LUC7L3: variants seen among roughly 807,000 people sequenced by gnomAD.
LUC7L3 encodes the protein LUC7 like 3 pre-mRNA splicing factor.
A neutral mutation model predicts 66.8 loss-of-function variants in LUC7L3; 6 were observed. The observed-to-expected ratio is 0.09, with a 90% confidence interval of 0.05 to 0.18. LUC7L3 has a LOEUF of 0.18. Among genes scored for constraint, LUC7L3 ranks in the 10% least tolerant of loss-of-function variants. LUC7L3 has a pLI of 1.00. For synonymous variants in LUC7L3, 160 were observed against 174.7 expected (o/e 0.92, Z 0.66); for missense variants, 341 against 531.1 (o/e 0.64, Z 3.52).
chr17:50,748,963 T>G (rs777076293), intron 9 of LUC7L3, among the ~76,000 whole-genome samples: 3 of 152,100 alleles, frequency 2.0e-5, no homozygotes, highest in Non-Finnish European at 4.4e-5. Context: ...GATCTGGACT[T>G]TGGGACCAGG....
chr17:50,730,192 G>C (rs919648727), intron 1 of LUC7L3, among the ~76,000 whole-genome samples: 1 of 151,550 alleles, frequency 6.6e-6, no homozygotes, highest in Non-Finnish European at 1.5e-5. Flanking sequence ...GGCTGGTCTC[G>C]AACTCCTGAG....
intron 9 of LUC7L3, among the ~76,000 whole-genome samples, chr17:50,750,276 A>G (rs1270768063): frequency 1.3e-5 from 2 of 152,192 alleles, no homozygotes; most frequent in African/African-American, 4.8e-5. Flanking sequence ...TCACCAATTG[A>G]GAGAATTTAC....
intron 1 of LUC7L3, among the ~76,000 whole-genome samples, chr17:50,728,470 AT>A (rs1383758057): frequency 6.6e-6 from 1 of 152,024 alleles, no homozygotes; most frequent in Non-Finnish European, 1.5e-5. Context: ...GTAAAAAAAA[AT>A]ATTTATAGAC....
At chr17:50,738,085 G>A (rs945354528) in intron 2 of LUC7L3, 1 of 433,272 alleles carries the variant, frequency 2.3e-6, no homozygotes. Flanking sequence ...TTATTGGTGG[G>A]GCTCTCCTCT....
At chr17:50,749,140 T>C (rs1038116932) in intron 9 of LUC7L3, 6 of 1,140,694 alleles carry the variant, frequency 5.3e-6, no homozygotes, top group Non-Finnish European at 7.0e-6. Context: ...GAGAGTTTCC[T>C]TTTTTCATCC....
chr17:50,729,461 A>T (rs1441316336), intron 1 of LUC7L3, among the ~76,000 whole-genome samples: 1 of 152,158 alleles, frequency 6.6e-6, no homozygotes, highest in Non-Finnish European at 1.5e-5. Context: ...ATTCCTTTCC[A>T]GCCTCCTTAT....
chr17:50,743,519 T>G (rs1039053403), intron 5 of LUC7L3, among the ~76,000 whole-genome samples, 187 bp from the exon 6 acceptor site: 1 of 152,176 alleles, frequency 6.6e-6, no homozygotes, highest in South Asian at 2.1e-4. Context: ...AGTGCATTTT[T>G]CTTAACACAT....
At position 50,750,721 on chromosome 17, in the gene LUC7L3, T is replaced by G; in HGVS notation, c.*60T>G. On this transcript the variant is annotated 3_prime_UTR_variant, in exon 10 of 10. Coordinates refer to ENST00000505658, the MANE Select transcript of LUC7L3 (RefSeq NM_016424.5). ...TAAGTGTATTGTTTCTCACTTTGAT[T>G]AGGGCTTTTTGTTACTGTTTGACAG... 6.2e-7 allele frequency: 1 copy of G among 1,613,730 alleles called. No individual in the cohort carries two copies. The highest frequency in any genetic ancestry group is 8.5e-7 in the Non-Finnish European group (1 of 1,179,926).
At chr17:50,742,057 CAG>C (rs929737296) in intron 5 of LUC7L3, among the ~76,000 whole-genome samples, 3 of 152,116 alleles carry the variant, frequency 2.0e-5, no homozygotes, top group African/African-American at 7.2e-5. Context: ...GCTTGGGCAA[CAG>C]AGTGAGACCT....
At chr17:50,741,272 T>TAAAC in intron 4 of LUC7L3, 26 bp downstream of exon 4, 1 of 1,606,776 alleles carries the variant, frequency 6.2e-7, no homozygotes, top group Non-Finnish European at 8.5e-7. Context: ...TCAGTCTTTG[T>TAAAC]AAACGGTCCT....
intron 1 of LUC7L3, chr17:50,724,182 A>G (rs576914432): frequency 1.3e-4 from 33 of 259,624 alleles, no homozygotes; most frequent in African/African-American, 4.0e-4. Flanking sequence ...GTTATTGTCA[A>G]CCTTAAAGCG....
rs550401122 is a variant in LUC7L3 at position 50,743,035 on chromosome 17, CAGAA to C, written c.427-668_427-665del. Among the ~76,000 whole-genome samples the C allele has an allele frequency of 1.4e-3, 210 of 152,302 alleles. 2 individuals carry two copies. Among genetic ancestry groups the C allele is most frequent in the African/African-American group, 4.9e-3 (203 of 41,558 alleles). On this transcript the variant is annotated intron_variant, in intron 5 of 9. Transcript: ENST00000505658. ...GAAAATGCATATTAACCTACAGTGA[CAGAA>C]AGCAGATCTGTGGTTGCCTGGGGAT...
chr17:50,721,252 GAA>G (rs1968733611), intron 1 of LUC7L3, among the ~76,000 whole-genome samples: 1 of 152,142 alleles, frequency 6.6e-6, no homozygotes, highest in Non-Finnish European at 1.5e-5. Context: ...GAATTCAAGA[GAA>G]AAATGCTTTC....
chr17:50,735,930 C>G (rs146365644), intron 1 of LUC7L3, among the ~76,000 whole-genome samples: 2 of 152,164 alleles, frequency 1.3e-5, no homozygotes, highest in Non-Finnish European at 1.5e-5. Flanking sequence ...GTCAGGAGTT[C>G]GAGACCAGCC....
intron 9 of LUC7L3, 62 bp downstream of exon 9, chr17:50,746,764 CTT>C (rs1597939002): frequency 2.1e-6 from 3 of 1,456,298 alleles, no homozygotes; most frequent in Non-Finnish European, 2.8e-6. Context: ...GCCCCACTCA[CTT>C]TTCTCCAGAC....
At chr17:50,749,096 G>A in intron 9 of LUC7L3, 1 of 524,064 alleles carries the variant, frequency 1.9e-6, no homozygotes, top group Non-Finnish European at 2.9e-6. Flanking sequence ...ACACAAAGCT[G>A]TCAGCAACCA....
intron 2 of LUC7L3, among the ~76,000 whole-genome samples, chr17:50,739,034 A>G (rs1374869360): frequency 6.6e-6 from 1 of 152,196 alleles, no homozygotes; most frequent in Non-Finnish European, 1.5e-5. Flanking sequence ...CGGAGGGGGA[A>G]AAAGACATTT....
intron 1 of LUC7L3, among the ~76,000 whole-genome samples, chr17:50,733,440 C>T (rs775178241): frequency 3.0e-5 from 4 of 134,162 alleles, no homozygotes; most frequent in Non-Finnish European, 6.2e-5. Context: ...CTCCCTCTGT[C>T]GCCCAGGCTG....
At position 50,752,256 on chromosome 17, in the gene LUC7L3, A is replaced by T. The variant is rs1157204595; in HGVS notation, c.*1595A>T. ...TGAGAACGGCATAAAGTGAAGATCG[A>T]CATTTAAAAAATGAGGTGAAAGAAA... is the stretch of plus-strand genomic sequence containing the variant. On this transcript the variant is annotated 3_prime_UTR_variant, in exon 10 of 10. Transcript: ENST00000505658. The T allele has an allele frequency of 2.3e-6, 3 of 1,277,074 alleles. No individual in the cohort carries two copies. Among genetic ancestry groups the T allele is most frequent in the Middle Eastern group, 2.1e-4 (1 of 4,688 alleles). 79.1% of individuals were successfully genotyped at this position (1,277,074 alleles called of 1,614,324 possible).
Sources: gnomAD v4.1 joint callset for allele counts (sites outside exome capture counted in the v4.1 genomes callset) on GRCh38, gnomAD v4.1.1 for gene constraint, MANE v1.5 for transcripts, NCBI Gene and HGNC (gene_info 2026-07-23, HGNC 2026-07-21) for gene names.